Variants in RGS13 observed in about 807,000 individuals in gnomAD.
RGS13 encodes the protein regulator of G protein signaling 13.
Under a neutral mutation model 19.9 loss-of-function variants are expected in RGS13, and 14 were observed. The observed-to-expected ratio is 0.70, with a 90% CI of 0.46 to 1.10. The LOEUF (loss-of-function observed/expected upper bound fraction) is 1.10. RGS13 is among the 50% of genes least tolerant of loss of function. The pLI is 0.00. For synonymous variants in RGS13, 60 were observed against 56.8 expected (o/e 1.06, Z -0.25); for missense variants, 205 against 187.1 (o/e 1.10, Z -0.56).
At chr1:192,654,392 C>T (rs919628904) in intron 5 of RGS13, among the ~76,000 whole-genome samples, 3 of 151,522 alleles carry the variant, frequency 2.0e-5, no homozygotes, top group African/African-American at 7.3e-5. Context: ...AGACCCACAA[C>T]TCTTTAAGCT....
chr1:192,643,910 G>C (rs761007141), intron 3 of RGS13, among the ~76,000 whole-genome samples: 7 of 152,116 alleles, frequency 4.6e-5, no homozygotes, highest in Non-Finnish European at 7.4e-5. Flanking sequence ...CCATGATCAT[G>C]CCACTGCACT....
chr1:192,640,177 A>T (rs12043798), intron 3 of RGS13, among the ~76,000 whole-genome samples: 5,007 of 152,178 alleles, frequency 0.033, 215 homozygotes, highest in East Asian at 0.11. Context: ...ATTTTTTCCT[A>T]TCCTCCTACT....
intron 5 of RGS13, 137 bp downstream of exon 5, chr1:192,648,124 A>G: frequency 2.0e-6 from 1 of 495,002 alleles, no homozygotes; most frequent in South Asian, 4.3e-5. Flanking sequence ...TTAAAAAAAG[A>G]AAACCTGAAA....
intron 5 of RGS13, among the ~76,000 whole-genome samples, chr1:192,653,443 A>C (rs1485786671): frequency 2.0e-5 from 3 of 152,120 alleles, no homozygotes; most frequent in Non-Finnish European, 4.4e-5. Flanking sequence ...CAAAAATATT[A>C]CATCTTCAAT....
At chr1:192,646,220 TC>T (rs910836108) in intron 4 of RGS13, 3 of 152,140 alleles carry the variant, frequency 2.0e-5, no homozygotes, top group Middle Eastern at 3.2e-3. Context: ...ACAAAAGATA[TC>T]TGACCTTTTA....
intron 5 of RGS13, 78 bp downstream of exon 5, chr1:192,648,065 T>A: frequency 3.1e-6 from 3 of 965,708 alleles, no homozygotes; most frequent in Non-Finnish European, 4.8e-6. Flanking sequence ...TGCCAGATGA[T>A]GAATGTATGC....
intron 5 of RGS13, among the ~76,000 whole-genome samples, chr1:192,653,439 T>C (rs889434627): frequency 2.0e-5 from 3 of 152,102 alleles, no homozygotes; most frequent in Non-Finnish European, 4.4e-5. Context: ...TCTCCAAAAA[T>C]ATTACATCTT....
At chr1:192,653,124 G>A (rs536442437) in intron 5 of RGS13, among the ~76,000 whole-genome samples, 2 of 151,834 alleles carry the variant, frequency 1.3e-5, no homozygotes, top group African/African-American at 2.4e-5. Context: ...AGAAGGTAAC[G>A]CAATAAAGGT....
At chr1:192,645,238 C>T (rs1426426070) in intron 4 of RGS13, 1 of 152,180 alleles carries the variant, frequency 6.6e-6, no homozygotes, top group Non-Finnish European at 1.5e-5. Context: ...GCTCTCCTTT[C>T]TTCGAATGAT....
rs1553257010 is a variant in RGS13 at position 192,641,254 on chromosome 1, A to AAAGAAAGAAAGAAAGAAAGAAAG, written c.-5+3053_-5+3054insGAAAGAAAGAAAGAAAGAAAGAA. Among the ~76,000 whole-genome samples, 2 of 67,390 alleles carry AAAGAAAGAAAGAAAGAAAGAAAG rather than the reference A, an allele frequency of 3.0e-5. 1 individual carries two copies. Among genetic ancestry groups the AAAGAAAGAAAGAAAGAAAGAAAG allele is most frequent in the Non-Finnish European group, 6.2e-5 (2 of 32,094 alleles). The allele number at this position is 67,390 out of a possible 152,430, so 44.2% of individuals were successfully genotyped here. ...AAAGAAAGAAAGAAAGAAAAGAAAGAAAAGAAAGAAAGAAAGAAAGAAAGA... is the reference window on the plus strand; with the variant it reads ...AAAGAAAGAAAGAAAGAAAAGAAAGAAAGAAAGAAAGAAAGAAAGAAAGAAAGAAAGAAAGAAAGAAAGAAAGA... On this transcript the variant is annotated intron_variant, in intron 3 of 6. Coordinates refer to ENST00000391995, the MANE Select transcript of RGS13 (RefSeq NM_002927.5).
chr1:192,638,446 C>T (rs1204635883), intron 3 of RGS13, among the ~76,000 whole-genome samples: 1 of 151,516 alleles, frequency 6.6e-6, no homozygotes, highest in Non-Finnish European at 1.5e-5. Context: ...CTCTTTGTTT[C>T]AATGTAGAGA....
At chr1:192,641,254 AAAAGAAAGAAAG>A (rs771323101) in intron 3 of RGS13, among the ~76,000 whole-genome samples, 793 of 67,448 alleles carry the variant, frequency 0.012, 7 homozygotes, top group South Asian at 0.023. Context: ...GAAAAGAAAG[AAAAGAAAGAAAG>A]AAAGAAAGAA....
At chr1:192,654,070 G>A (rs1558052753) in intron 5 of RGS13, among the ~76,000 whole-genome samples, 1 of 151,798 alleles carries the variant, frequency 6.6e-6, no homozygotes, top group Non-Finnish European at 1.5e-5. Context: ...CCTGCACATT[G>A]TGCACATGTA....
At chr1:192,649,454 G>A (rs1478187145) in intron 5 of RGS13, among the ~76,000 whole-genome samples, 1 of 152,106 alleles carries the variant, frequency 6.6e-6, no homozygotes, top group Non-Finnish European at 1.5e-5. Context: ...TATTGTGCAG[G>A]TGAGATACAA....
At chr1:192,646,206 G>T (rs1382367657) in intron 4 of RGS13, 1 of 152,098 alleles carries the variant, frequency 6.6e-6, no homozygotes, top group East Asian at 1.9e-4. Context: ...TGAATTTTTA[G>T]AAAACAAAAG....
At chr1:192,641,271 AAAG>A (rs1663112698) in intron 3 of RGS13, among the ~76,000 whole-genome samples, 2 of 111,912 alleles carry the variant, frequency 1.8e-5, no homozygotes, top group South Asian at 6.4e-4. Context: ...AGAAAGAAAG[AAAG>A]AAAGAAAGAA....
chr1:192,643,164 T>G (rs918201278), intron 3 of RGS13, among the ~76,000 whole-genome samples: 20 of 151,892 alleles, frequency 1.3e-4, no homozygotes, highest in Non-Finnish European at 2.8e-4. Flanking sequence ...GCCCAGCCCA[T>G]CACATGTATT....
At chr1:192,649,517 C>A (rs1039822716) in intron 5 of RGS13, among the ~76,000 whole-genome samples, 4 of 152,094 alleles carry the variant, frequency 2.6e-5, no homozygotes, top group Non-Finnish European at 2.9e-5. Flanking sequence ...TTGGTAGTTT[C>A]TTTTAATAGT....
Position 192,644,369 on chromosome 1 carries a change from G to A in RGS13, c.35G>A (p.Cys12Tyr), listed in dbSNP as rs568195817. The change falls in exon 4 of 7, where the codon TGC becomes TAC. Residue 12 changes from cysteine (C) to tyrosine (Y), a missense_variant. Transcript: ENST00000391995. ...CGGAATTGTTGGATTTGTAAGATGT[G>A]CAGAGATGAATCTAAGAGGCCCCCT... ...SRRNCWICKM[C>Y]RDESKRPPSN... 3.5e-5 allele frequency: 57 copies of A among 1,611,988 alleles called. No individual in the cohort carries two copies. The South Asian group carries it at 6.1e-4, about 17-fold the overall frequency.
Sources: allele counts gnomAD v4.1 joint callset (sites outside exome capture counted in the v4.1 genomes callset), GRCh38; gene constraint gnomAD v4.1.1; transcripts MANE v1.5; gene names NCBI Gene and HGNC (gene_info 2026-07-23, HGNC 2026-07-21).